The following C18orf63 variants were observed in gnomAD, a reference collection of about 807,000 sequenced individuals.
C18orf63 encodes the protein chromosome 18 open reading frame 63, also known as uncharacterized protein C18orf63.
In C18orf63, 50 loss-of-function variants were observed where a neutral mutation model predicts 75.3. The observed-to-expected ratio is 0.66, with a 90% CI of 0.53 to 0.84. C18orf63 has a LOEUF of 0.84. C18orf63 is among the 40% of genes least tolerant of loss of function. The pLI, the probability that C18orf63 is intolerant of heterozygous loss-of-function variation, is 0.00. For missense variants in C18orf63, 732 were observed against 800.2 expected (o/e 0.91, Z 1.03); for synonymous variants, 232 against 267.6 (o/e 0.87, Z 1.30).
chr18:74,330,435 A>G (rs542425319), intron 6 of C18orf63, among the ~76,000 whole-genome samples: 60 of 152,282 alleles, frequency 3.9e-4, no homozygotes, highest in Non-Finnish European at 7.8e-4. Context: ...TTTGGAATAT[A>G]TCTGCCAGTA....
At chr18:74,326,920 G>A (rs1231999832) in intron 4 of C18orf63, among the ~76,000 whole-genome samples, 2 of 152,134 alleles carry the variant, frequency 1.3e-5, no homozygotes, top group Non-Finnish European at 2.9e-5. Flanking sequence ...TTCTACAGTT[G>A]TGGCAGGCAA....
At chr18:74,333,175 T>G (rs1207733525) in intron 7 of C18orf63, among the ~76,000 whole-genome samples, 1 of 152,146 alleles carries the variant, frequency 6.6e-6, no homozygotes, top group East Asian at 1.9e-4. Flanking sequence ...TATCTGAACC[T>G]TAGAATTAGG....
intron 8 of C18orf63, among the ~76,000 whole-genome samples, chr18:74,340,559 G>A (rs186065189): frequency 1.2e-4 from 18 of 152,080 alleles, no homozygotes; most frequent in African/African-American, 3.9e-4. Context: ...GCACCCCCAT[G>A]TTCATTTCAG....
intron 8 of C18orf63, among the ~76,000 whole-genome samples, chr18:74,340,551 A>G (rs914307693): frequency 6.6e-6 from 1 of 152,114 alleles, no homozygotes; most frequent in Non-Finnish European, 1.5e-5. Flanking sequence ...AGATATCTGC[A>G]CCCCCATGTT....
At chr18:74,323,510 T>C (rs1487505113) in intron 4 of C18orf63, among the ~76,000 whole-genome samples, 2 of 152,208 alleles carry the variant, frequency 1.3e-5, no homozygotes, top group Non-Finnish European at 2.9e-5. Flanking sequence ...GGAAAGAATA[T>C]GTTTACATCT....
At chr18:74,338,927 G>A (rs530244330) in intron 8 of C18orf63, 103 bp downstream of exon 8, 1 of 417,642 alleles carries the variant, frequency 2.4e-6, no homozygotes, top group South Asian at 1.1e-4. Flanking sequence ...AACTATTTTG[G>A]TGAATTTTAA....
At position 74,343,583 on chromosome 18, in the gene C18orf63, G is replaced by T. The variant is rs1311897765; in HGVS notation, c.859G>T (p.Val287Leu). 1.3e-6 allele frequency: 2 copies of T among 1,534,788 alleles called. No homozygotes were observed. Among genetic ancestry groups the T allele is most frequent in the East Asian group, 4.9e-5 (2 of 40,844 alleles). Residue 287 changes from valine to leucine, a missense_variant, in exon 11 of 14, where the codon GTG becomes TTG. Physicochemically the swap from Val to Leu is conservative, Grantham distance 32. Coordinates refer to ENST00000579455, the MANE Select transcript of C18orf63 (RefSeq NM_001174123.2). ...QFFPRVDSEVVLKSFLSDLKS... is the reference protein window; with the variant it reads ...QFFPRVDSEVLLKSFLSDLKS... ...CTTTCCAAGGGTAGATTCGGAAGTT[G>T]TGTTGAAAAGTTTTCTTTCAGATTT...
chr18:74,354,679 T>C (rs1231130066), intron 13 of C18orf63, 133 bp downstream of exon 13: 3 of 580,408 alleles, frequency 5.2e-6, no homozygotes, highest in Admixed American at 6.1e-5. Context: ...AGCAAAGAAA[T>C]AGGACATGGT....
chr18:74,326,728 T>C (rs1170957684), intron 4 of C18orf63, among the ~76,000 whole-genome samples: 1 of 152,232 alleles, frequency 6.6e-6, no homozygotes, highest in Non-Finnish European at 1.5e-5. Context: ...GGATATGTTG[T>C]GAACTGTTAT....
Position 74,329,018 on chromosome 18 carries a change from G to A in C18orf63, c.406G>A (p.Gly136Arg). Residue 136 changes from glycine (G) to arginine (R), a missense_variant, in exon 6 of 14, where the codon GGA (glycine) becomes AGA (arginine). Physicochemically the swap from Gly to Arg is moderately radical, Grantham distance 125. Around this residue, in one of 3 missense-constraint regions of C18orf63, gnomAD observed 233 missense variants for 272.7 expected, o/e 0.85. Coordinates refer to ENST00000579455, the MANE Select transcript of C18orf63 (RefSeq NM_001174123.2). ...IQGRDFLSQM[G>R]KQSAVVLNIN... The stretch of plus-strand genomic sequence containing the variant: ...AGGAAGAGATTTTCTTTCTCAGATG[G>A]GAAAACAAAGTGCTGTTGGTAAGTA... 6.6e-7 allele frequency: 1 copy of A among 1,503,890 alleles called. No individual in the cohort carries two copies. The highest frequency in any genetic ancestry group is 8.9e-7 in the Non-Finnish European group (1 of 1,117,994). The allele number at this position is 1,503,890 out of a possible 1,614,324, so 93.2% of individuals were successfully genotyped here.
chr18:74,316,799 A>T (rs2145111660), intron 1 of C18orf63, among the ~76,000 whole-genome samples: 1 of 152,344 alleles, frequency 6.6e-6, no homozygotes, highest in Middle Eastern at 3.4e-3. Flanking sequence ...ATTCTTTTTG[A>T]ATCTGCAAGT....
At chr18:74,338,855 G>A in intron 8 of C18orf63, 31 bp downstream of exon 8, 1 of 951,096 alleles carries the variant, frequency 1.1e-6, no homozygotes, top group Non-Finnish European at 1.4e-6. Flanking sequence ...ATCTAGGGTG[G>A]GTTCAAAATA....
Position 74,353,943 on chromosome 18 carries a change from A to G in C18orf63, c.1676A>G (p.Lys559Arg). The change falls in exon 12 of 14, where the codon AAA (lysine) becomes AGA (arginine). Residue 559 changes from lysine (K) to arginine (R), a missense_variant. Lys to Arg is a conservative substitution (Grantham distance 26). This residue lies in a region of C18orf63 where 495 missense variants were observed against 508.7 expected (regional missense o/e 0.97). Transcript: ENST00000579455. Reference sequence around the variant, plus strand: ...TCAAATAACAATTTAGGGGTGGTAAAAAGTGCTGTTGACTTCCAAATGAAA... The same window carrying G: ...TCAAATAACAATTTAGGGGTGGTAAGAAGTGCTGTTGACTTCCAAATGAAA... ...VVSNNNLGVV[K>R]SAVDFQMKGK... 6.5e-7 allele frequency: 1 copy of G among 1,536,250 alleles called. No homozygotes were observed.
At chr18:74,349,423 A>AGTCTATAGGTCT (rs1984629061) in intron 11 of C18orf63, among the ~76,000 whole-genome samples, 1 of 152,094 alleles carries the variant, frequency 6.6e-6, no homozygotes. Flanking sequence ...CCAACCCCCC[A>AGTCTATAGGTCT]GGTCATGGAC....
At chr18:74,349,559 G>A (rs1350274292) in intron 11 of C18orf63, among the ~76,000 whole-genome samples, 1 of 152,124 alleles carries the variant, frequency 6.6e-6, no homozygotes, top group Admixed American at 6.5e-5. Flanking sequence ...ATTCTTGTAG[G>A]AGCACGAACC....
chr18:74,341,483 C>A (rs1188609448), intron 8 of C18orf63, among the ~76,000 whole-genome samples: 1 of 151,998 alleles, frequency 6.6e-6, no homozygotes, highest in Non-Finnish European at 1.5e-5. Context: ...GGATTGAGAC[C>A]AGCCTGGCCA....
At chr18:74,351,705 G>T (rs1889707070) in intron 11 of C18orf63, among the ~76,000 whole-genome samples, 2 of 152,152 alleles carry the variant, frequency 1.3e-5, no homozygotes, top group Non-Finnish European at 2.9e-5. Flanking sequence ...ATTTGTTTAT[G>T]CCTAATAGAT....
chr18:74,320,377 A>C (rs894317725), intron 2 of C18orf63, 136 bp from the exon 3 acceptor site: 2 of 531,354 alleles, frequency 3.8e-6, no homozygotes, highest in Non-Finnish European at 6.5e-6. Flanking sequence ...ACAGGGGGGA[A>C]ATCCGCCGCC....
chr18:74,353,270 T>A lies in C18orf63; in HGVS notation c.1003T>A (p.Leu335Met). 6.5e-7 allele frequency: 1 copy of A among 1,535,850 alleles called. No individual in the cohort carries two copies. The highest frequency in any genetic ancestry group is 8.7e-7 in the Non-Finnish European group (1 of 1,146,518). ...GGAACACAAAGTCAAGCCACCCAAT[T>A]TGACCACTAAAAAAATGCTTAGGGC... Reference protein sequence around the residue: ...IQEHKVKPPNLTTKKMLRASL... With the variant: ...IQEHKVKPPNMTTKKMLRASL... Residue 335 changes from leucine (L) to methionine (M), a missense_variant, in exon 12 of 14, where the codon TTG becomes ATG. Physicochemically the swap from Leu to Met is conservative, Grantham distance 15. Around this residue, in one of 3 missense-constraint regions of C18orf63, gnomAD observed 495 missense variants for 508.7 expected, o/e 0.97. Transcript: ENST00000579455.
Sources: allele counts gnomAD v4.1 joint callset (sites outside exome capture counted in the v4.1 genomes callset), GRCh38; gene constraint gnomAD v4.1.1; regional missense constraint gnomAD v4.1.1; transcripts MANE v1.5; gene names NCBI Gene and HGNC (gene_info 2026-07-23, HGNC 2026-07-21).